CFAP77: variants seen among roughly 807,000 people sequenced by gnomAD.
CFAP77 encodes the protein cilia and flagella associated protein 77.
In CFAP77, 25 loss-of-function variants were observed where a neutral mutation model predicts 31.1. The observed-to-expected ratio is 0.80, with a 90% confidence interval of 0.59 to 1.12. The LOEUF is 1.12. Among genes scored for constraint, CFAP77 ranks in the 50% most tolerant of loss-of-function variants. The probability of loss-of-function intolerance (pLI) is 0.00; values close to 1 mark genes in which losing one functional copy is unlikely to be tolerated. For missense variants in CFAP77, 377 were observed against 397.3 expected, an observed-to-expected ratio of 0.95 and a Z score of 0.44; for synonymous variants, 151 against 159.9, an observed-to-expected ratio of 0.94 and a Z score of 0.42.
rs1394106285 is a variant in CFAP77, at chr9:132,455,186, G to A, written c.196-43509G>A. Among the ~76,000 whole-genome samples the A allele has an allele frequency of 6.6e-6, 1 of 152,060 alleles. No individual in the cohort carries two copies. Among genetic ancestry groups the A allele is most frequent in the Non-Finnish European group, 1.5e-5 (1 of 68,030 alleles). ...CAATACCATCTGTCATTGCAGCAGA[G>A]CCCAGTAGTGTGGGGTTCTTACCTT... On this transcript the variant is annotated intron_variant, in intron 1 of 5. Coordinates refer to ENST00000393216, the MANE Select transcript of CFAP77 (RefSeq NM_001282957.2). The surrounding 1 kb of genome is among the most constrained non-coding windows in gnomAD (Gnocchi z 4.1).
At chr9:132,514,273 T>C (rs1050978219) in intron 3 of CFAP77, among the ~76,000 whole-genome samples, 15 of 151,352 alleles carry the variant, frequency 9.9e-5, no homozygotes, top group African/African-American at 2.9e-4. Flanking sequence ...CCCTGTGTCA[T>C]TGACCACGGG....
intron 1 of CFAP77, among the ~76,000 whole-genome samples, chr9:132,491,840 G>C (rs1044011827): frequency 3.0e-4 from 45 of 152,166 alleles, no homozygotes; most frequent in Non-Finnish European, 4.7e-4. Flanking sequence ...CTGAATTCTT[G>C]TTATCTATTA....
chr9:132,531,896 C>T (rs932124817), intron 3 of CFAP77, among the ~76,000 whole-genome samples: 2 of 152,208 alleles, frequency 1.3e-5, no homozygotes, highest in African/African-American at 4.8e-5. Context: ...CAGCCGAGCC[C>T]GCAGGAGGGC....
intron 1 of CFAP77, among the ~76,000 whole-genome samples, chr9:132,438,543 T>TATA (rs1564204145): frequency 0.057 from 4,985 of 87,248 alleles, 156 homozygotes; most frequent in East Asian, 0.21. Flanking sequence ...ATATATATAT[T>TATA]TTTTTTTTTT....
rs182147854 is a variant in CFAP77 at position 132,464,017 on chromosome 9, G to A, written c.196-34678G>A. Among the ~76,000 whole-genome samples, 7 of 152,334 alleles carry A rather than the reference G, an allele frequency of 4.6e-5. No individual in the cohort carries two copies. In the East Asian group the frequency reaches 7.7e-4, roughly 17 times the overall value. On this transcript the variant is annotated intron_variant, in intron 1 of 5. Transcript: ENST00000393216. Reference sequence around the variant, plus strand: ...GCAAAGGGGTCGGATGGGAATCACGGAAAGAGGCTGCTTTCCCTCATTCCG... The same window carrying A: ...GCAAAGGGGTCGGATGGGAATCACGAAAAGAGGCTGCTTTCCCTCATTCCG...
intron 1 of CFAP77, among the ~76,000 whole-genome samples, chr9:132,437,632 C>A (rs912561063): frequency 9.9e-5 from 15 of 151,182 alleles, no homozygotes; most frequent in Admixed American, 4.0e-4. Flanking sequence ...GCCTCAGCCT[C>A]CCGAGTAGCT....
At position 132,418,586 on chromosome 9, in the gene CFAP77, G is replaced by A. The variant is rs192900560; in HGVS notation, c.195+8120G>A. On this transcript the variant is annotated intron_variant, in intron 1 of 5. Transcript: ENST00000393216. ...ATTTAAAATCCCCGCCTTTGAATCC[G>A]TTTCGTTTCCCGAGCAATGTAGCTT... 3.0e-3 allele frequency among the ~76,000 whole-genome samples: 456 copies of A among 152,210 alleles called. 2 individuals carry two copies. Among genetic ancestry groups the A allele is most frequent in the African/African-American group, 9.9e-3 (413 of 41,516 alleles).
At chr9:132,448,734 G>A (rs1293560271) in intron 1 of CFAP77, among the ~76,000 whole-genome samples, 2 of 152,108 alleles carry the variant, frequency 1.3e-5, no homozygotes, top group Admixed American at 6.6e-5. Context: ...TTGCAGGCAT[G>A]CACCACCATA....
chr9:132,414,733 C>G (rs111779634), intron 1 of CFAP77, among the ~76,000 whole-genome samples: 8 of 152,146 alleles, frequency 5.3e-5, no homozygotes, highest in African/African-American at 1.7e-4. Context: ...CCGCCCTCCT[C>G]GGCTCCTAAA....
At chr9:132,491,856 T>C (rs1851657899) in intron 1 of CFAP77, among the ~76,000 whole-genome samples, 1 of 152,240 alleles carries the variant, frequency 6.6e-6, no homozygotes, top group Non-Finnish European at 1.5e-5. Flanking sequence ...TATTAGCTTA[T>C]GGGAAAATTG....
chr9:132,487,714 C>T (rs1009272827), intron 1 of CFAP77, among the ~76,000 whole-genome samples: 4 of 149,188 alleles, frequency 2.7e-5, no homozygotes, highest in Non-Finnish European at 5.9e-5. Flanking sequence ...TCTTCTCATG[C>T]GTGGCTTTTT....
At chr9:132,526,531 C>A (rs562468404) in intron 3 of CFAP77, among the ~76,000 whole-genome samples, 9 of 134,574 alleles carry the variant, frequency 6.7e-5, no homozygotes, top group African/African-American at 2.6e-4. Flanking sequence ...AGCGCCCGAC[C>A]GGCAGTTTCT....
At chr9:132,438,539 A>AT (rs1165427680) in intron 1 of CFAP77, among the ~76,000 whole-genome samples, 68 of 115,410 alleles carry the variant, frequency 5.9e-4, no homozygotes, top group Non-Finnish European at 9.9e-4. Context: ...ATATATATAT[A>AT]TATTTTTTTT....
chr9:132,446,508 AG>A (rs962139959), intron 1 of CFAP77, among the ~76,000 whole-genome samples: 33 of 152,228 alleles, frequency 2.2e-4, no homozygotes, highest in African/African-American at 7.9e-4. Context: ...TGGGAGGCTG[AG>A]GTGGGTGGAT....
chr9:132,534,882 T>C (rs1424548072), intron 3 of CFAP77, among the ~76,000 whole-genome samples: 3 of 152,232 alleles, frequency 2.0e-5, no homozygotes, highest in Non-Finnish European at 4.4e-5. Flanking sequence ...TGTCCTGTCT[T>C]TGGCAAATTT....
rs574907370 is a variant in CFAP77, at chr9:132,551,453, G to A, written c.732+8406G>A. ...TGGGATTACAGACATCCGCCACCACGCCCGGCTAATTTTTGTATTTTTAGT... is the reference window on the plus strand; with the variant it reads ...TGGGATTACAGACATCCGCCACCACACCCGGCTAATTTTTGTATTTTTAGT... On this transcript the variant is annotated intron_variant, in intron 5 of 5. Transcript: ENST00000393216. 9.5e-4 allele frequency among the ~76,000 whole-genome samples: 145 copies of A among 152,194 alleles called. 1 individual carries two copies. Among genetic ancestry groups the A allele is most frequent in the African/African-American group, 3.4e-3 (141 of 41,520 alleles).
intron 1 of CFAP77, among the ~76,000 whole-genome samples, chr9:132,496,258 A>C (rs1372378355): frequency 6.6e-6 from 1 of 152,226 alleles, no homozygotes; most frequent in African/African-American, 2.4e-5. Context: ...TGGGGCACAC[A>C]GGCTCATGAG....
intron 1 of CFAP77, among the ~76,000 whole-genome samples, chr9:132,415,421 C>T (rs2131674522): frequency 6.6e-6 from 1 of 152,360 alleles, no homozygotes; most frequent in African/African-American, 2.4e-5. Context: ...CCTTCACCGG[C>T]TCGTCACCAC....
At chr9:132,413,950 C>T (rs1008868914) in intron 1 of CFAP77, among the ~76,000 whole-genome samples, 1 of 152,206 alleles carries the variant, frequency 6.6e-6, no homozygotes, top group Non-Finnish European at 1.5e-5. Flanking sequence ...TGGAAGACAT[C>T]TTACAGACAT....
Sources: allele counts gnomAD v4.1 joint callset (sites outside exome capture counted in the v4.1 genomes callset), GRCh38; gene constraint gnomAD v4.1.1; non-coding constraint Gnocchi (gnomAD v3.1); transcripts MANE v1.5; gene names NCBI Gene and HGNC (gene_info 2026-07-23, HGNC 2026-07-21).